The following LRRC61 variants were observed in gnomAD, a reference collection of about 807,000 sequenced individuals.
The protein encoded by LRRC61 is leucine-rich repeat-containing protein 61.
Under a neutral mutation model 15.1 loss-of-function variants are expected in LRRC61, and 9 were observed. The ratio of observed to expected loss-of-function variants is 0.60; its 90% confidence interval spans 0.36 to 1.04. LRRC61 has a LOEUF of 1.04. LRRC61 is among the 50% of genes least tolerant of loss of function. LRRC61 has a pLI of 0.01. For synonymous variants in LRRC61, 173 were observed against 158.6 expected (o/e 1.09, Z -0.68); for missense variants, 344 against 335.6 (o/e 1.03, Z -0.20).
the LRRC61 span, among the ~76,000 whole-genome samples, chr7:150,317,179 G>C: frequency 6.6e-6 from 1 of 151,840 alleles, no homozygotes; most frequent in Non-Finnish European, 1.5e-5. Context: ...AGCCTCCCAA[G>C]TAGCTGGGAT....
Position 150,337,801 on chromosome 7 carries a change from C to T in LRRC61, c.*160C>T. 2.7e-6 allele frequency: 2 copies of T among 754,364 alleles called. No homozygotes were observed. Among genetic ancestry groups the T allele is most frequent in the South Asian group, 2.1e-5 (1 of 46,966 alleles). 46.7% of individuals were successfully genotyped at this position (754,364 alleles called of 1,614,324 possible). A position where few individuals can be genotyped will look rare whatever the true frequency, so the allele number is the denominator to read the frequency against. Reference sequence around the variant, plus strand: ...CTGAGAGCAGCCCCTCCCCACCATCCCTCCACATGCTGCAAGGACAGACTG... The same window carrying T: ...CTGAGAGCAGCCCCTCCCCACCATCTCTCCACATGCTGCAAGGACAGACTG... On this transcript the variant is annotated 3_prime_UTR_variant, in exon 3 of 3. Transcript: ENST00000359623.
intron 2 of LRRC61, chr7:150,331,010 G>T: frequency 6.2e-7 from 1 of 1,611,750 alleles, no homozygotes; most frequent in Non-Finnish European, 8.5e-7. Flanking sequence ...ATCTGTGGGA[G>T]AATGAGACCG....
intron 2 of LRRC61, chr7:150,334,203 C>G: frequency 1.3e-6 from 1 of 793,976 alleles, no homozygotes; most frequent in Non-Finnish European, 1.5e-6. Context: ...AGGGCATTCA[C>G]TTAACCTCTG....
chr7:150,329,149 C>T (rs766493921), intron 2 of LRRC61, among the ~76,000 whole-genome samples: 8 of 152,184 alleles, frequency 5.3e-5, no homozygotes, highest in Admixed American at 1.3e-4. Flanking sequence ...GTTCAATAGG[C>T]TGGGTCCTCC....
In LRRC61 at chr7:150,330,515, G is replaced by C. The variant is rs765766782; in HGVS notation, c.-145+4505G>C. 3 of 779,256 alleles carry C rather than the reference G, an allele frequency of 3.8e-6. No individual in the cohort carries two copies. Among genetic ancestry groups the C allele is most frequent in the Non-Finnish European group, 7.2e-6 (3 of 417,350 alleles). 48.3% of individuals were successfully genotyped at this position (779,256 alleles called of 1,614,324 possible). A position where few individuals can be genotyped will look rare whatever the true frequency, so the allele number is the denominator to read the frequency against. ...AGGTTCACACACACTTTCAGGAGCA[G>C]AGTGTCGGGGAGAGGGGCGCAGCCA... On this transcript the variant is annotated intron_variant, in intron 2 of 2. Coordinates refer to ENST00000359623, the MANE Select transcript of LRRC61 (RefSeq NM_001142928.2). The surrounding 1 kb of genome is among the most constrained non-coding windows in gnomAD (Gnocchi z 4.6).
At chr7:150,323,706 C>G (rs756759891) in intron 1 of LRRC61, 146 bp downstream of exon 1, 6 of 455,938 alleles carry the variant, frequency 1.3e-5, no homozygotes, top group South Asian at 7.7e-5. Context: ...ACAGCCAGCC[C>G]TTACCCATCT....
At chr7:150,310,280 C>A in the LRRC61 span, among the ~76,000 whole-genome samples, 1 of 152,148 alleles carries the variant, frequency 6.6e-6, no homozygotes, top group Non-Finnish European at 1.5e-5. Flanking sequence ...TGGCAACCGA[C>A]CATGCACCCC....
the LRRC61 span, among the ~76,000 whole-genome samples, chr7:150,310,599 A>C: frequency 6.6e-6 from 1 of 151,868 alleles, no homozygotes; most frequent in Non-Finnish European, 1.5e-5. Context: ...ATCGACCTCA[A>C]AGATGCCTTC....
Position 150,330,254 on chromosome 7 carries a change from G to A in LRRC61, c.-145+4244G>A, listed in dbSNP as rs972012553. 26 of 627,094 alleles carry A rather than the reference G, an allele frequency of 4.1e-5. No homozygotes were observed. The East Asian group carries it at 4.6e-4, about 11-fold the overall frequency. 38.8% of individuals were successfully genotyped at this position (627,094 alleles called of 1,614,324 possible). ...AGGAGCTCTTGGACCACTGGGTCTC[G>A]GCCTACCACCTGCTGGAGTGGCTGG... On this transcript the variant is annotated intron_variant, in intron 2 of 2. Transcript: ENST00000359623. The surrounding 1 kb of genome is among the most constrained non-coding windows in gnomAD (Gnocchi z 4.6).
At chr7:150,332,439 C>G (rs1007340480) in intron 2 of LRRC61, 3 of 167,120 alleles carry the variant, frequency 1.8e-5, no homozygotes, top group Non-Finnish European at 2.9e-5. Context: ...ACTCTGCTCT[C>G]ACTGGCTGGC....
At chr7:150,321,007 G>A (rs11767726), upstream of LRRC61, among the ~76,000 whole-genome samples, 3 of 151,918 alleles carry the variant, frequency 2.0e-5, no homozygotes, top group Non-Finnish European at 4.4e-5. Flanking sequence ...CTCAGTCCTC[G>A]TTTTGACTAG....
At chr7:150,332,918 ATC>A (rs1336200325) in intron 2 of LRRC61, among the ~76,000 whole-genome samples, 1 of 151,970 alleles carries the variant, frequency 6.6e-6, no homozygotes, top group Non-Finnish European at 1.5e-5. Flanking sequence ...GGCTTGCTGG[ATC>A]TCTCCCTGCA....
the LRRC61 span, among the ~76,000 whole-genome samples, chr7:150,311,005 C>A: frequency 0.035 from 5,299 of 152,210 alleles, 307 homozygotes; most frequent in African/African-American, 0.12. Flanking sequence ...ATCTCCCAGG[C>A]CCCTATCCCG....
the LRRC61 span, among the ~76,000 whole-genome samples, chr7:150,318,110 C>T: frequency 3.9e-5 from 6 of 152,044 alleles, no homozygotes; most frequent in East Asian, 1.9e-4. Flanking sequence ...ATGGAGAAGA[C>T]GAGAAGAATA....
At chr7:150,336,398 C>T (rs1395400992) in intron 2 of LRRC61, among the ~76,000 whole-genome samples, 1 of 152,200 alleles carries the variant, frequency 6.6e-6, no homozygotes, top group Non-Finnish European at 1.5e-5. Flanking sequence ...AGGGATGGAT[C>T]GTGAGTGGTT....
chr7:150,317,150 CA>C, the LRRC61 span, among the ~76,000 whole-genome samples: 1 of 152,030 alleles, frequency 6.6e-6, no homozygotes, highest in Non-Finnish European at 1.5e-5. Context: ...CTTCTGGGCT[CA>C]AGTGATTCTC....
chr7:150,332,282 C>T lies in LRRC61; in HGVS notation c.-144-4436C>T, dbSNP rs531139275. 4 of 167,226 alleles carry T rather than the reference C, an allele frequency of 2.4e-5. 1 individual carries two copies. The highest frequency in any genetic ancestry group is 3.9e-4 in the East Asian group (2 of 5,190). 10.4% of individuals were successfully genotyped at this position (167,226 alleles called of 1,614,324 possible). The stretch of plus-strand genomic sequence containing the variant: ...TGGGAGAAGAAGGAAGGGGGTGGCC[C>T]GTCACCCCCGCAAGACTTGCATCCA... On this transcript the variant is annotated intron_variant, in intron 2 of 2. Coordinates refer to ENST00000359623, the MANE Select transcript of LRRC61 (RefSeq NM_001142928.2).
the LRRC61 span, among the ~76,000 whole-genome samples, chr7:150,313,839 C>T: frequency 6.6e-6 from 1 of 152,182 alleles, no homozygotes; most frequent in Admixed American, 6.5e-5. Flanking sequence ...TTGGCAGCTA[C>T]CTGGAGACCT....
rs755814503 is a variant in LRRC61 at position 150,330,358 on chromosome 7, T to G, written c.-145+4348T>G. 4.6e-5 allele frequency: 35 copies of G among 757,500 alleles called. No individual in the cohort carries two copies. Among genetic ancestry groups the G allele is most frequent in the Non-Finnish European group, 7.5e-5 (31 of 414,452 alleles). 46.9% of individuals were successfully genotyped at this position (757,500 alleles called of 1,614,324 possible). On this transcript the variant is annotated intron_variant, in intron 2 of 2. Coordinates refer to ENST00000359623, the MANE Select transcript of LRRC61 (RefSeq NM_001142928.2). The surrounding 1 kb of genome is among the most constrained non-coding windows in gnomAD (Gnocchi z 4.6). Reference sequence around the variant, plus strand: ...GCTGGTGTTGCCTTGTCGGCCACATTCTGGAGCCCGGCAGACAGCCTCAGC... The same window carrying G: ...GCTGGTGTTGCCTTGTCGGCCACATGCTGGAGCCCGGCAGACAGCCTCAGC...
Sources: allele counts gnomAD v4.1 joint callset (sites outside exome capture counted in the v4.1 genomes callset), GRCh38; gene constraint gnomAD v4.1.1; non-coding constraint Gnocchi (gnomAD v3.1); transcripts MANE v1.5; gene names NCBI Gene and HGNC (gene_info 2026-07-23, HGNC 2026-07-21).